CCDC77: variants seen among roughly 807,000 people sequenced by gnomAD.
CCDC77 encodes the protein coiled-coil domain-containing protein 77.
A neutral mutation model predicts 66.8 loss-of-function variants in CCDC77; 56 were observed. The ratio of observed to expected loss-of-function variants is 0.84; its 90% CI spans 0.68 to 1.05. CCDC77 has a LOEUF of 1.05. Among genes scored for constraint, CCDC77 ranks in the 50% least tolerant of loss-of-function variants. The pLI, the probability that CCDC77 is intolerant of heterozygous loss-of-function variation, is 0.00. For synonymous variants in CCDC77, 196 were observed against 195.2 expected (o/e 1.00, Z -0.03); for missense variants, 570 against 576.8 (o/e 0.99, Z 0.12).
At chr12:414,148 A>C (rs1253261728) in intron 4 of CCDC77, among the ~76,000 whole-genome samples, 4 of 149,424 alleles carry the variant, frequency 2.7e-5, no homozygotes, top group Non-Finnish European at 4.4e-5. Flanking sequence ...CTGGAGTGCA[A>C]TGGCACAATC....
At chr12:434,887 T>C (rs1945721209) in intron 9 of CCDC77, among the ~76,000 whole-genome samples, 1 of 152,258 alleles carries the variant, frequency 6.6e-6, no homozygotes, top group South Asian at 2.1e-4. Context: ...TGTTTGAGCA[T>C]GTCAGATTTA....
chr12:396,411 A>T (rs1944829137), intron 1 of CCDC77, among the ~76,000 whole-genome samples: 1 of 152,206 alleles, frequency 6.6e-6, no homozygotes, highest in Admixed American at 6.5e-5. Flanking sequence ...AATAAATAAA[A>T]AAGGAAAAGG....
chr12:442,061 C>T lies in CCDC77; in HGVS notation c.*141C>T, dbSNP rs923145146. On this transcript the variant is annotated 3_prime_UTR_variant, in exon 13 of 13. Coordinates refer to ENST00000239830, the MANE Select transcript of CCDC77 (RefSeq NM_032358.4). ...TTATTGTAAAGACAGCTTGAAGAAT[C>T]GGGGACCACTAGGAAAGCTTTTCTT... The T allele has an allele frequency of 3.2e-5, 28 of 863,670 alleles. No individual in the cohort carries two copies. Among genetic ancestry groups the T allele is most frequent in the African/African-American group, 5.0e-5 (3 of 59,470 alleles). 53.5% of individuals were successfully genotyped at this position (863,670 alleles called of 1,614,324 possible).
rs375085642 is a variant in CCDC77 at position 410,691 on chromosome 12, G to A, written c.39-1056G>A. Among the ~76,000 whole-genome samples, 10 of 151,088 alleles carry A rather than the reference G, an allele frequency of 6.6e-5. No homozygotes were observed. The East Asian group carries it at 1.2e-3, about 18-fold the overall frequency. The stretch of plus-strand genomic sequence containing the variant: ...CTCCAGAGTAGCTGGGATTACACAC[G>A]CGTGCCACCAGGCCCGGCTAATTTT... On this transcript the variant is annotated intron_variant, in intron 3 of 12. Transcript: ENST00000239830.
At chr12:389,478 T>C in exon 1 of CCDC77, 1 of 400,710 alleles carries the variant, frequency 2.5e-6, no homozygotes, top group Non-Finnish European at 4.7e-6. Context: ...TCCACGCAGC[T>C]CGCCCTTGGT....
chr12:412,030 A>T lies in CCDC77; in HGVS notation c.270+52A>T, dbSNP rs575586261. The T allele has an allele frequency of 1.4e-5, 19 of 1,336,626 alleles. No homozygotes were observed. The African/African-American group carries it at 2.5e-4, about 18-fold the overall frequency. 82.8% of individuals were successfully genotyped at this position (1,336,626 alleles called of 1,614,324 possible). A position where few individuals can be genotyped will look rare whatever the true frequency, so the allele number is the denominator to read the frequency against. On this transcript the variant is annotated intron_variant, in intron 4 of 12. Coordinates refer to ENST00000239830, the MANE Select transcript of CCDC77 (RefSeq NM_032358.4). Reference sequence around the variant, plus strand: ...AACTCTGATGGAGTCTTCATAAATTAGAGATGCCCTACAAGTGCCAGTTTA... The same window carrying T: ...AACTCTGATGGAGTCTTCATAAATTTGAGATGCCCTACAAGTGCCAGTTTA...
chr12:400,829 T>C (rs1233935034), upstream of CCDC77, among the ~76,000 whole-genome samples: 1 of 152,056 alleles, frequency 6.6e-6, no homozygotes, highest in African/African-American at 2.4e-5. Context: ...GTAGGAAAAA[T>C]GGCGCAGATA....
At chr12:412,945 CT>C (rs757945841) in intron 4 of CCDC77, among the ~76,000 whole-genome samples, 49 of 147,450 alleles carry the variant, frequency 3.3e-4, no homozygotes, top group East Asian at 3.9e-4. Flanking sequence ...GGTTGCTTTT[CT>C]TTTTTTTTTT....
chr12:414,330 T>C (rs1389619316), intron 4 of CCDC77, among the ~76,000 whole-genome samples: 2 of 151,708 alleles, frequency 1.3e-5, no homozygotes, highest in Non-Finnish European at 2.9e-5. Flanking sequence ...GACCTTGTGA[T>C]CCGCTTGCCT....
At position 439,888 on chromosome 12, in the gene CCDC77, G is replaced by A. The variant is rs138229636; in HGVS notation, c.1042-729G>A. ...CTGGAAGTCCATTGTATTAATAGAA[G>A]GAATGCACAGGGACACTCTCTTATA... On this transcript the variant is annotated intron_variant, in intron 10 of 12. Coordinates refer to ENST00000239830, the MANE Select transcript of CCDC77 (RefSeq NM_032358.4). 9.9e-3 allele frequency among the ~76,000 whole-genome samples: 1,509 copies of A among 152,226 alleles called. 20 individuals are homozygous for A. Among genetic ancestry groups the A allele is most frequent in the Non-Finnish European group, 0.015 (1,005 of 68,004 alleles).
chr12:409,512 T>C, intron 3 of CCDC77, 91 bp downstream of exon 3: 1 of 1,251,514 alleles, frequency 8.0e-7, no homozygotes, highest in East Asian at 2.3e-5. Context: ...ATTGGAAACA[T>C]ATTTCCTAAA....
rs1219280097 is a variant in CCDC77, at chr12:416,375, GTGTATATATATATATATA to G, written c.271-2117_271-2100del. On this transcript the variant is annotated intron_variant, in intron 4 of 12. Transcript: ENST00000239830. ...TGTGTGTGTGTGTGTGTGTGTGTGTGTGTATATATATATATATATATATATATATATATATATATATTT... is the reference window on the plus strand; with the variant it reads ...TGTGTGTGTGTGTGTGTGTGTGTGTGTATATATATATATATATATATATTT... Among the ~76,000 whole-genome samples, 190 of 20,566 alleles carry G rather than the reference GTGTATATATATATATATA, an allele frequency of 9.2e-3. 13 individuals are homozygous for G. The East Asian group carries it at 0.11, about 12-fold the overall frequency. 13.5% of individuals were successfully genotyped at this position (20,566 alleles called of 152,430 possible).
At chr12:405,756 G>GTA (rs773008515) in intron 2 of CCDC77, among the ~76,000 whole-genome samples, 192 bp downstream of exon 2, 2 of 151,878 alleles carry the variant, frequency 1.3e-5, no homozygotes, top group African/African-American at 4.8e-5. Context: ...ATTGAGAGTT[G>GTA]TATATATATA....
intron 1 of CCDC77, chr12:389,857 C>T (rs1427296106): frequency 6.6e-6 from 1 of 152,596 alleles, no homozygotes; most frequent in African/African-American, 2.4e-5. Flanking sequence ...TAATCTCACT[C>T]TGCCACTTTA....
intron 9 of CCDC77, among the ~76,000 whole-genome samples, chr12:434,102 T>C (rs931773994): frequency 2.2e-4 from 34 of 152,106 alleles, no homozygotes; most frequent in African/African-American, 8.2e-4. Context: ...GTGCTTCTGA[T>C]TGTGGATGAC....
chr12:391,987 C>T (rs1388659494), intron 1 of CCDC77, among the ~76,000 whole-genome samples: 3 of 152,198 alleles, frequency 2.0e-5, no homozygotes, highest in Admixed American at 2.0e-4. Flanking sequence ...TCATGCTTAC[C>T]CCTTTGAAAA....
chr12:436,093 G>T (rs1451074759), intron 9 of CCDC77, among the ~76,000 whole-genome samples: 2 of 141,764 alleles, frequency 1.4e-5, no homozygotes, highest in Non-Finnish European at 3.1e-5. Context: ...TGTTTAAATT[G>T]TTCCTATTGC....
At chr12:416,827 G>T (rs1382632938) in intron 4 of CCDC77, among the ~76,000 whole-genome samples, 1 of 151,770 alleles carries the variant, frequency 6.6e-6, no homozygotes, top group Non-Finnish European at 1.5e-5. Flanking sequence ...AGCAGGATTT[G>T]TCAGGCATGG....
chr12:441,419 A>G (rs1945855672), intron 12 of CCDC77, among the ~76,000 whole-genome samples: 1 of 152,176 alleles, frequency 6.6e-6, no homozygotes, highest in South Asian at 2.1e-4. Flanking sequence ...TTAGTTGCAG[A>G]AAAGAGGAGA....
Sources: allele counts gnomAD v4.1 joint callset (sites outside exome capture counted in the v4.1 genomes callset), GRCh38; gene constraint gnomAD v4.1.1; transcripts MANE v1.5; gene names NCBI Gene and HGNC (gene_info 2026-07-23, HGNC 2026-07-21).